Variants in CCSER1 observed in about 807,000 individuals in gnomAD.
CCSER1 encodes the protein serine-rich coiled-coil domain-containing protein 1.
Under a neutral mutation model 82.0 loss-of-function variants are expected in CCSER1, and 41 were observed. That is an observed-to-expected ratio of 0.50 (90% CI 0.39 to 0.65). The LOEUF is 0.65. Among genes scored for constraint, CCSER1 ranks in the 30% least tolerant of loss-of-function variants. The pLI, the probability that CCSER1 is intolerant of heterozygous loss-of-function variation, is 0.00. For missense variants in CCSER1, 1,119 were observed against 1,064.2 expected (o/e 1.05, Z -0.72); for synonymous variants, 414 against 383.9 (o/e 1.08, Z -0.92).
chr4:90,196,486 G>C, intron 1 of CCSER1, among the ~76,000 whole-genome samples: 1 of 151,914 alleles, frequency 6.6e-6, no homozygotes, highest in Non-Finnish European at 1.5e-5. Context: ...ATACACAAGA[G>C]TATAAGGGCC....
At position 91,369,707 on chromosome 4, in the gene CCSER1, T is replaced by C. The variant is rs1433923872; in HGVS notation, c.2218-228865T>C. ...TTTTTTTTGACAGTCTCTCACTCTG[T>C]CACCAGGCTGGAGTGCAGTGGCACG... On this transcript the variant is annotated intron_variant, in intron 10 of 10. Transcript: ENST00000509176. Among the ~76,000 whole-genome samples, 15 of 121,910 alleles carry C rather than the reference T, an allele frequency of 1.2e-4. No homozygotes were observed. In the South Asian group the frequency reaches 4.3e-3, roughly 35 times the overall value. 80.0% of individuals were successfully genotyped at this position (121,910 alleles called of 152,430 possible). A position where few individuals can be genotyped will look rare whatever the true frequency, so the allele number is the denominator to read the frequency against.
chr4:90,950,293 T>C (rs1003673621), intron 9 of CCSER1, among the ~76,000 whole-genome samples: 3 of 152,162 alleles, frequency 2.0e-5, no homozygotes, highest in Non-Finnish European at 2.9e-5. Context: ...ATCATATAGC[T>C]TCTACATTTC....
chr4:90,282,691 C>T (rs1435918572), intron 1 of CCSER1, among the ~76,000 whole-genome samples: 1 of 151,878 alleles, frequency 6.6e-6, no homozygotes, highest in Non-Finnish European at 1.5e-5. Context: ...TCACTGAATA[C>T]TATTGGTTAA....
intron 9 of CCSER1, among the ~76,000 whole-genome samples, chr4:91,020,737 A>G (rs1020829607): frequency 7.9e-5 from 12 of 152,146 alleles, no homozygotes; most frequent in African/African-American, 2.9e-4. Flanking sequence ...AAAATCTGTA[A>G]TTTGTGTATA....
intron 10 of CCSER1, among the ~76,000 whole-genome samples, chr4:91,520,891 CA>C (rs1163561373): frequency 6.6e-6 from 1 of 151,900 alleles, no homozygotes. Context: ...TTCATTTATT[CA>C]TTTTTTTATT....
At chr4:91,250,320 T>A (rs1740155747) in intron 10 of CCSER1, among the ~76,000 whole-genome samples, 1 of 152,164 alleles carries the variant, frequency 6.6e-6, no homozygotes, top group South Asian at 2.1e-4. Flanking sequence ...TGTGTTTTAT[T>A]ATATGGAGCA....
intron 1 of CCSER1, among the ~76,000 whole-genome samples, chr4:90,131,346 G>C (rs1722801467): frequency 6.6e-6 from 1 of 152,306 alleles, no homozygotes; most frequent in South Asian, 2.1e-4. Flanking sequence ...TACTACAGTA[G>C]TGCAATAGAG....
intron 3 of CCSER1, among the ~76,000 whole-genome samples, chr4:90,348,408 T>C (rs558928270): frequency 6.6e-6 from 1 of 152,336 alleles, no homozygotes; most frequent in African/African-American, 2.4e-5. Flanking sequence ...CTTTTATCCA[T>C]TTCATAAAAC....
intron 7 of CCSER1, among the ~76,000 whole-genome samples, chr4:90,796,719 T>C (rs1188309103): frequency 6.6e-6 from 1 of 152,186 alleles, no homozygotes; most frequent in African/African-American, 2.4e-5. Flanking sequence ...CTTTCTGATT[T>C]CTTCCTGAAT....
intron 1 of CCSER1, among the ~76,000 whole-genome samples, chr4:90,282,084 C>T (rs1225803874): frequency 6.6e-6 from 1 of 151,990 alleles, no homozygotes; most frequent in Non-Finnish European, 1.5e-5. Flanking sequence ...ACATTTATGT[C>T]TGCAATTTTG....
intron 5 of CCSER1, among the ~76,000 whole-genome samples, chr4:90,561,910 G>A (rs530029849): frequency 2.0e-5 from 3 of 152,170 alleles, no homozygotes; most frequent in South Asian, 4.1e-4. Flanking sequence ...AATTTAGGCC[G>A]GGAGTGGTAG....
chr4:90,932,652 A>C (rs1483608782), intron 9 of CCSER1, among the ~76,000 whole-genome samples: 1 of 151,532 alleles, frequency 6.6e-6, no homozygotes, highest in East Asian at 2.0e-4. Context: ...ACATGGTGAA[A>C]TCCCTTCTCT....
intron 10 of CCSER1, among the ~76,000 whole-genome samples, chr4:91,237,032 C>T (rs1278576272): frequency 1.3e-5 from 2 of 152,142 alleles, no homozygotes; most frequent in Non-Finnish European, 2.9e-5. Flanking sequence ...CCTAAACATA[C>T]TATTCAATCT....
intron 10 of CCSER1, among the ~76,000 whole-genome samples, chr4:91,583,895 T>C (rs550155236): frequency 6.6e-6 from 1 of 151,436 alleles, no homozygotes; most frequent in South Asian, 2.1e-4. Flanking sequence ...GTTGGCCAGA[T>C]GAAGTGAGGA....
intron 1 of CCSER1, among the ~76,000 whole-genome samples, chr4:90,304,136 A>G (rs1314671717): frequency 6.6e-6 from 1 of 152,210 alleles, no homozygotes; most frequent in East Asian, 1.9e-4. Flanking sequence ...ATCATTAAAA[A>G]GTCAGGAAAC....
intron 6 of CCSER1, among the ~76,000 whole-genome samples, chr4:90,647,678 A>ACTT (rs945023580): frequency 1.7e-4 from 26 of 152,224 alleles, no homozygotes; most frequent in African/African-American, 5.3e-4. Context: ...CAAAATATAT[A>ACTT]CTTTAAAATA....
At chr4:90,579,020 A>AGGAAATAT (rs59270827) in intron 5 of CCSER1, among the ~76,000 whole-genome samples, 1 of 151,092 alleles carries the variant, frequency 6.6e-6, no homozygotes, top group African/African-American at 2.4e-5. Flanking sequence ...GTCTATTAAA[A>AGGAAATAT]AAAGCTTGAC....
intron 9 of CCSER1, among the ~76,000 whole-genome samples, chr4:91,064,486 G>A (rs1433712359): frequency 6.6e-6 from 1 of 152,172 alleles, no homozygotes; most frequent in Non-Finnish European, 1.5e-5. Flanking sequence ...CTTTCTTCCG[G>A]CAATTAAATA....
chr4:90,807,251 G>A (rs1757640741), intron 7 of CCSER1, among the ~76,000 whole-genome samples: 1 of 152,024 alleles, frequency 6.6e-6, no homozygotes, highest in Non-Finnish European at 1.5e-5. Context: ...TATTTCCTTT[G>A]CAATGTAGAG....
Sources: allele counts gnomAD v4.1 joint callset (sites outside exome capture counted in the v4.1 genomes callset), GRCh38; gene constraint gnomAD v4.1.1; transcripts MANE v1.5; gene names NCBI Gene and HGNC (gene_info 2026-07-23, HGNC 2026-07-21).